Variants in TMEM132D observed in about 807,000 individuals in gnomAD.
TMEM132D encodes transmembrane protein 132D.
Under a neutral mutation model 62.3 loss-of-function variants are expected in TMEM132D, and 21 were observed. That is an observed-to-expected ratio of 0.34 (90% confidence interval 0.24 to 0.49). The LOEUF is 0.49. TMEM132D is among the 20% of genes least tolerant of loss of function. The pLI, the probability that TMEM132D is intolerant of heterozygous loss-of-function variation, is 0.99. For missense variants in TMEM132D, 1,346 were observed against 1,402.8 expected, an observed-to-expected ratio of 0.96 and a Z score of 0.65; for synonymous variants, 621 against 575.6, an observed-to-expected ratio of 1.08 and a Z score of -1.13.
intron 3 of TMEM132D, among the ~76,000 whole-genome samples, chr12:129,466,215 T>C (rs1873888631): frequency 2.0e-5 from 3 of 151,416 alleles, no homozygotes; most frequent in African/African-American, 7.3e-5. Context: ...TGCTCTCTCA[T>C]GCAGGTCACT....
At chr12:129,095,355 T>TG (rs914398265) in intron 5 of TMEM132D, among the ~76,000 whole-genome samples, 6 of 144,210 alleles carry the variant, frequency 4.2e-5, no homozygotes, top group African/African-American at 1.5e-4. Flanking sequence ...GGTTTTTTTT[T>TG]TTTTTTTTTT....
chr12:129,607,137 T>G (rs1878650018), intron 2 of TMEM132D, among the ~76,000 whole-genome samples: 1 of 152,126 alleles, frequency 6.6e-6, no homozygotes, highest in Non-Finnish European at 1.5e-5. Context: ...TTCAACAATT[T>G]GTTAGAAGAA....
At chr12:129,626,033 CA>C (rs1267486277) in intron 2 of TMEM132D, among the ~76,000 whole-genome samples, 14 of 151,876 alleles carry the variant, frequency 9.2e-5, no homozygotes, top group South Asian at 2.1e-4. Context: ...AGTTGTTTTC[CA>C]ATTGTGTCTT....
intron 2 of TMEM132D, among the ~76,000 whole-genome samples, chr12:129,590,608 A>G (rs1757886413): frequency 6.6e-6 from 1 of 152,214 alleles, no homozygotes; most frequent in South Asian, 2.1e-4. Context: ...CGCTCAGAAG[A>G]AAGTTGCATC....
chr12:129,446,255 G>A (rs2135723850), intron 3 of TMEM132D, among the ~76,000 whole-genome samples: 1 of 152,292 alleles, frequency 6.6e-6, no homozygotes, highest in South Asian at 2.1e-4. Context: ...AGGGGGCACT[G>A]TTAGAGAGGA....
chr12:129,355,465 C>T (rs573220514), intron 3 of TMEM132D, among the ~76,000 whole-genome samples: 2 of 152,066 alleles, frequency 1.3e-5, no homozygotes, highest in African/African-American at 4.8e-5. Context: ...AATTCTATTT[C>T]CAACTTAAGT....
chr12:129,345,413 C>T (rs974238092), intron 3 of TMEM132D, among the ~76,000 whole-genome samples: 2 of 152,182 alleles, frequency 1.3e-5, no homozygotes, highest in African/African-American at 4.8e-5. Flanking sequence ...AAAGAACTCA[C>T]CGCTAGAATG....
chr12:129,405,183 G>C (rs2135702478), intron 3 of TMEM132D, among the ~76,000 whole-genome samples: 1 of 152,286 alleles, frequency 6.6e-6, no homozygotes, highest in East Asian at 1.9e-4. Context: ...AGAAGCCTGA[G>C]ATCAAGGTTC....
chr12:129,188,319 C>G (rs1254180121), intron 5 of TMEM132D, among the ~76,000 whole-genome samples: 1 of 152,200 alleles, frequency 6.6e-6, no homozygotes, highest in Non-Finnish European at 1.5e-5. Context: ...CGACACCTAG[C>G]CTGCCAAAGC....
chr12:129,628,489 C>T (rs1451725654), intron 2 of TMEM132D, among the ~76,000 whole-genome samples: 1 of 152,146 alleles, frequency 6.6e-6, no homozygotes, highest in Non-Finnish European at 1.5e-5. Flanking sequence ...GGAAGGCTTG[C>T]CCAGACATTC....
At chr12:129,771,514 C>T (rs1204922452) in intron 1 of TMEM132D, among the ~76,000 whole-genome samples, 2 of 152,230 alleles carry the variant, frequency 1.3e-5, no homozygotes, top group Non-Finnish European at 1.5e-5. Context: ...AGCTATTCAT[C>T]TTGCCACTGC....
chr12:129,567,822 A>G (rs181120411), intron 2 of TMEM132D, among the ~76,000 whole-genome samples: 41 of 152,302 alleles, frequency 2.7e-4, no homozygotes, highest in African/African-American at 9.4e-4. Context: ...TATAACCTAC[A>G]TAAACAAATG....
At chr12:129,743,046 A>G (rs957271832) in intron 1 of TMEM132D, among the ~76,000 whole-genome samples, 9 of 152,224 alleles carry the variant, frequency 5.9e-5, no homozygotes, top group African/African-American at 2.2e-4. Context: ...TAGAAAGCAC[A>G]TCCCAATCCA....
intron 4 of TMEM132D, among the ~76,000 whole-genome samples, chr12:129,245,966 G>A (rs913876788): frequency 2.6e-5 from 4 of 152,120 alleles, no homozygotes; most frequent in Non-Finnish European, 4.4e-5. Context: ...CTGGCATGAC[G>A]TCATCTGTCT....
chr12:129,432,055 G>T (rs1369831328), intron 3 of TMEM132D, among the ~76,000 whole-genome samples: 1 of 152,180 alleles, frequency 6.6e-6, no homozygotes, highest in Non-Finnish European at 1.5e-5. Context: ...TCATCACCTT[G>T]CTGTACCCAT....
intron 5 of TMEM132D, among the ~76,000 whole-genome samples, chr12:129,143,354 G>A (rs957417739): frequency 2.0e-5 from 3 of 152,204 alleles, no homozygotes; most frequent in African/African-American, 7.2e-5. Context: ...GAGGGGGCAT[G>A]GAGCTTTCAT....
chr12:129,765,856 C>T (rs1870533664), intron 1 of TMEM132D, among the ~76,000 whole-genome samples: 1 of 152,170 alleles, frequency 6.6e-6, no homozygotes. Context: ...TGAAGATCTT[C>T]TTTTAACATG....
At chr12:129,327,129 G>A (rs1015229936) in intron 4 of TMEM132D, among the ~76,000 whole-genome samples, 5 of 152,090 alleles carry the variant, frequency 3.3e-5, no homozygotes, top group Non-Finnish European at 7.4e-5. Flanking sequence ...TCGACAAACT[G>A]TGTTTATTAG....
intron 3 of TMEM132D, among the ~76,000 whole-genome samples, chr12:129,513,270 C>G (rs937967790): frequency 6.6e-6 from 1 of 152,022 alleles, no homozygotes; most frequent in African/African-American, 2.4e-5. Context: ...TTAAGGGAAC[C>G]TAACCACTCC....
Sources: allele counts gnomAD v4.1 joint callset (sites outside exome capture counted in the v4.1 genomes callset), GRCh38; gene constraint gnomAD v4.1.1; transcripts MANE v1.5; gene names NCBI Gene and HGNC (gene_info 2026-07-23, HGNC 2026-07-21).